Variants in ZPBP observed in about 807,000 individuals in gnomAD.
ZPBP encodes the protein zona pellucida binding protein.
ZPBP carries 26 observed loss-of-function variants against 44.8 expected under a neutral mutation model. That is an observed-to-expected ratio of 0.58 (90% CI 0.43 to 0.81). The LOEUF (loss-of-function observed/expected upper bound fraction) is 0.81. Ranked by LOEUF, ZPBP falls within the 30% of genes least tolerant of loss-of-function variation. The probability of loss-of-function intolerance (pLI) is 0.00; values close to 1 mark genes in which losing one functional copy is unlikely to be tolerated. For missense variants in ZPBP, 409 were observed against 434.0 expected (o/e 0.94, Z 0.51); for synonymous variants, 174 against 153.2 (o/e 1.14, Z -1.00).
chr7:49,931,854 C>A (rs1794458085), intron 1 of ZPBP, among the ~76,000 whole-genome samples: 1 of 152,262 alleles, frequency 6.6e-6, no homozygotes, highest in Non-Finnish European at 1.5e-5. Flanking sequence ...GGCCCCCCTG[C>A]TCTCTGCAGC....
chr7:49,852,027 G>T (rs987993665), intron 2 of ZPBP, among the ~76,000 whole-genome samples: 1 of 152,140 alleles, frequency 6.6e-6, no homozygotes, highest in Admixed American at 6.5e-5. Flanking sequence ...CCTAGGGTCC[G>T]GATTTAATCC....
chr7:50,026,110 A>G (rs921778638), intron 5 of ZPBP, among the ~76,000 whole-genome samples: 3 of 151,908 alleles, frequency 2.0e-5, no homozygotes, highest in African/African-American at 7.2e-5. Context: ...TACCAAAACT[A>G]ACTCAAGAAG....
At chr7:49,948,618 C>T (rs918951350) in intron 7 of ZPBP, among the ~76,000 whole-genome samples, 1 of 152,036 alleles carries the variant, frequency 6.6e-6, no homozygotes, top group Non-Finnish European at 1.5e-5. Flanking sequence ...TAAACAGATG[C>T]TCAACACTAC....
chr7:49,991,862 A>G (rs1274618381), intron 6 of ZPBP, among the ~76,000 whole-genome samples: 4 of 152,024 alleles, frequency 2.6e-5, no homozygotes, highest in African/African-American at 9.7e-5. Context: ...TGAAACACAG[A>G]TTTTGTGTAG....
chr7:49,947,337 C>T (rs1359696279), intron 7 of ZPBP, among the ~76,000 whole-genome samples: 1 of 152,084 alleles, frequency 6.6e-6, no homozygotes, highest in Admixed American at 6.6e-5. Flanking sequence ...CCCATCCTCC[C>T]TGGGAAGGCC....
At chr7:50,018,404 A>T in intron 5 of ZPBP, 88 bp from the exon 6 acceptor site, 3 of 1,078,300 alleles carry the variant, frequency 2.8e-6, no homozygotes, top group Non-Finnish European at 4.1e-6. Flanking sequence ...AGGATATTCT[A>T]ACATTTCTCT....
chr7:50,018,293 CT>C lies in ZPBP; in HGVS notation c.729del (p.Gly244AspfsTer23). 1 of 1,609,554 alleles carries C rather than the reference CT, an allele frequency of 6.2e-7. No homozygotes were observed. ...AFSVSSLDTEKGPKRCTDHNC... is the reference protein window; with the variant it reads ...AFSVSSLDTEXGPKRCTDHNC... ...TTATGGTCTGTACATCGCTTGGGTC[CT>C]TTTTCAGTGTCTAGAGATGAAACTG... On this transcript the variant is annotated frameshift_variant, in exon 6 of 8. Coordinates refer to ENST00000046087, the MANE Select transcript of ZPBP (RefSeq NM_007009.3). LOFTEE classifies it high-confidence loss of function.
At chr7:49,977,480 C>T (rs1796584673) in intron 7 of ZPBP, among the ~76,000 whole-genome samples, 2 of 152,078 alleles carry the variant, frequency 1.3e-5, no homozygotes, top group African/African-American at 4.8e-5. Context: ...AAACAATTTG[C>T]TTTTCCTGCA....
chr7:50,037,968 G>A (rs1799895139), intron 4 of ZPBP, among the ~76,000 whole-genome samples: 1 of 152,088 alleles, frequency 6.6e-6, no homozygotes, highest in African/African-American at 2.4e-5. Context: ...GAGAGGTGAT[G>A]GCTACCTTCT....
At chr7:50,044,022 G>A (rs1194505578) in intron 4 of ZPBP, among the ~76,000 whole-genome samples, 3 of 152,170 alleles carry the variant, frequency 2.0e-5, no homozygotes, top group African/African-American at 7.2e-5. Flanking sequence ...ACTCAAAACT[G>A]CACAACTATG....
intron 1 of ZPBP, among the ~76,000 whole-genome samples, chr7:50,092,427 T>C (rs1803040583): frequency 6.6e-6 from 1 of 152,218 alleles, no homozygotes; most frequent in South Asian, 2.1e-4. Context: ...GAACAACTTT[T>C]TTCATTTGAA....
At chr7:50,067,277 T>C (rs1010369184) in intron 3 of ZPBP, among the ~76,000 whole-genome samples, 1 of 152,228 alleles carries the variant, frequency 6.6e-6, no homozygotes, top group Non-Finnish European at 1.5e-5. Flanking sequence ...TGGGGGCCCA[T>C]ACAGCATTTA....
At chr7:49,919,756 A>AG (rs1793928179) in intron 1 of ZPBP, 1 of 152,350 alleles carries the variant, frequency 6.6e-6, no homozygotes, top group Non-Finnish European at 1.5e-5. Flanking sequence ...ACTCATCCCC[A>AG]GGGGGCTCAG....
intron 1 of ZPBP, chr7:49,917,366 A>C (rs553512622): frequency 6.6e-6 from 1 of 152,334 alleles, no homozygotes; most frequent in African/African-American, 2.4e-5. Context: ...ACTGACAATC[A>C]CCCTGAAAAG....
chr7:50,016,949 T>C (rs529550007), intron 6 of ZPBP, among the ~76,000 whole-genome samples: 1 of 152,158 alleles, frequency 6.6e-6, no homozygotes, highest in East Asian at 1.9e-4. Flanking sequence ...TATGAGATAA[T>C]ATGTGAATTA....
chr7:49,970,336 T>C (rs1796247209), intron 7 of ZPBP, among the ~76,000 whole-genome samples: 1 of 152,018 alleles, frequency 6.6e-6, no homozygotes, highest in Non-Finnish European at 1.5e-5. Flanking sequence ...GAGATTTCAG[T>C]ACCCCAATTT....
intron 3 of ZPBP, among the ~76,000 whole-genome samples, chr7:50,067,096 G>A (rs1373058243): frequency 6.6e-6 from 1 of 152,154 alleles, no homozygotes; most frequent in Admixed American, 6.5e-5. Flanking sequence ...GTTTGAAAGG[G>A]TGTACTGGGT....
At chr7:49,906,991 G>T (rs1793135532) in intron 1 of ZPBP, among the ~76,000 whole-genome samples, 1 of 152,112 alleles carries the variant, frequency 6.6e-6, no homozygotes, top group Non-Finnish European at 1.5e-5. Flanking sequence ...AGTTTCAAGT[G>T]ACCCATCAAT....
At chr7:50,068,046 G>A (rs1258247938) in intron 3 of ZPBP, among the ~76,000 whole-genome samples, 1 of 152,164 alleles carries the variant, frequency 6.6e-6, no homozygotes, top group African/African-American at 2.4e-5. Context: ...TAGTCCTAAA[G>A]CTGGAGCCTG....
Sources: gnomAD v4.1 joint callset for allele counts (sites outside exome capture counted in the v4.1 genomes callset) on GRCh38, gnomAD v4.1.1 for gene constraint, MANE v1.5 for transcripts, NCBI Gene and HGNC (gene_info 2026-07-23, HGNC 2026-07-21) for gene names.